Variants in SAMD12 observed in about 807,000 individuals in gnomAD.
SAMD12 encodes the protein sterile alpha motif domain-containing protein 12.
Under a neutral mutation model 15.0 loss-of-function variants are expected in SAMD12, and 9 were observed. The ratio of observed to expected loss-of-function variants is 0.60; its 90% CI spans 0.36 to 1.05. The LOEUF is 1.05. Among genes scored for constraint, SAMD12 ranks in the 50% least tolerant of loss-of-function variants. The pLI, the probability that SAMD12 is intolerant of heterozygous loss-of-function variation, is 0.01. For missense variants in SAMD12, 230 were observed against 234.2 expected (o/e 0.98, Z 0.12); for synonymous variants, 86 against 90.1 (o/e 0.96, Z 0.25).
intron 3 of SAMD12, among the ~76,000 whole-genome samples, chr8:118,384,625 A>T (rs1379762671): frequency 6.6e-6 from 1 of 152,208 alleles, no homozygotes; most frequent in Non-Finnish European, 1.5e-5. Flanking sequence ...CAAGAAATTG[A>T]GTCACTGCTT....
At chr8:118,451,647 G>C (rs1232880112) in intron 2 of SAMD12, among the ~76,000 whole-genome samples, 1 of 152,154 alleles carries the variant, frequency 6.6e-6, no homozygotes, top group Non-Finnish European at 1.5e-5. Flanking sequence ...CCATGCTGTT[G>C]GCACTGTGTT....
intron 3 of SAMD12, among the ~76,000 whole-genome samples, chr8:118,405,968 C>T (rs765981956): frequency 6.6e-5 from 10 of 151,914 alleles, no homozygotes; most frequent in Non-Finnish European, 1.3e-4. Flanking sequence ...TTGGTTTTCT[C>T]TCTATGGCCA....
chr8:118,396,253 A>T (rs185078230), intron 3 of SAMD12, among the ~76,000 whole-genome samples: 5 of 152,252 alleles, frequency 3.3e-5, no homozygotes, highest in Admixed American at 3.3e-4. Context: ...TAAAATGATA[A>T]TTATCATTTT....
At position 118,209,151 on chromosome 8, in the gene SAMD12, T is replaced by C. The variant is rs17507397; in HGVS notation, c.434-11419A>G. Among the ~76,000 whole-genome samples the C allele has an allele frequency of 6.0e-3, 920 of 152,288 alleles. 10 individuals carry two copies. Among genetic ancestry groups the C allele is most frequent in the African/African-American group, 0.021 (867 of 41,562 alleles). ...TTCTGAAGACAGTCTCCAAGGTTAT[T>C]ATATTGTGGGTTCTTGCCCTTTGGT... On this transcript the variant is annotated intron_variant, in intron 4 of 4. Transcript: ENST00000409003.
At chr8:118,550,553 G>T (rs900808028) in intron 2 of SAMD12, among the ~76,000 whole-genome samples, 1 of 152,038 alleles carries the variant, frequency 6.6e-6, no homozygotes, top group Admixed American at 6.5e-5. Context: ...AGGAACAACC[G>T]GTACCAGCCG....
At chr8:118,533,904 A>T (rs1055879723) in intron 2 of SAMD12, among the ~76,000 whole-genome samples, 4 of 152,068 alleles carry the variant, frequency 2.6e-5, no homozygotes, top group African/African-American at 9.7e-5. Context: ...CCAATTTGCC[A>T]GTCTGTGTCT....
intron 4 of SAMD12, among the ~76,000 whole-genome samples, chr8:118,242,621 C>T (rs1177342746): frequency 6.6e-6 from 1 of 151,974 alleles, no homozygotes; most frequent in Non-Finnish European, 1.5e-5. Flanking sequence ...TCTGTGGTTT[C>T]AGGCCTCCAC....
In SAMD12 at chr8:118,489,139, C is replaced by T. The variant is rs150144237; in HGVS notation, c.193-49178G>A. Among the ~76,000 whole-genome samples, 557 of 152,150 alleles carry T rather than the reference C, an allele frequency of 3.7e-3. 1 individual carries two copies. The highest frequency in any genetic ancestry group is 6.2e-3 in the Non-Finnish European group (423 of 67,986). ...GTGTTTATTGGCCATTTCAATACCC[C>T]CCTTTTGTGAAGTGCCTGTTCAAAT... On this transcript the variant is annotated intron_variant, in intron 2 of 3. Coordinates refer to ENST00000314727, the MANE Select transcript of SAMD12 (RefSeq NM_207506.3).
the SAMD12 span, among the ~76,000 whole-genome samples, chr8:118,159,472 G>A: frequency 7.2e-5 from 11 of 152,170 alleles, no homozygotes; most frequent in Non-Finnish European, 1.5e-4. Flanking sequence ...GGTAGCATGA[G>A]CCAAGTGCAG....
intron 4 of SAMD12, among the ~76,000 whole-genome samples, chr8:118,345,032 A>G (rs902184032): frequency 6.6e-6 from 1 of 152,182 alleles, no homozygotes; most frequent in African/African-American, 2.4e-5. Context: ...CTCACCACTC[A>G]CTGACTCGCT....
At chr8:118,582,608 T>C (rs1306646894) in intron 1 of SAMD12, among the ~76,000 whole-genome samples, 2 of 152,216 alleles carry the variant, frequency 1.3e-5, no homozygotes, top group Non-Finnish European at 2.9e-5. Flanking sequence ...GGCTTTGTTC[T>C]GAATCTCAAA....
chr8:118,565,589 T>C (rs1317170249), intron 2 of SAMD12, among the ~76,000 whole-genome samples: 1 of 152,220 alleles, frequency 6.6e-6, no homozygotes, highest in African/African-American at 2.4e-5. Context: ...ACCTCTAATC[T>C]GTATATCTTT....
chr8:118,214,509 C>T (rs1811910130), intron 4 of SAMD12, among the ~76,000 whole-genome samples: 1 of 152,208 alleles, frequency 6.6e-6, no homozygotes, highest in South Asian at 2.1e-4. Context: ...TGATGTTCAG[C>T]TAAAGAGGCT....
chr8:118,234,254 G>C (rs546159996), intron 4 of SAMD12, among the ~76,000 whole-genome samples: 2 of 151,876 alleles, frequency 1.3e-5, no homozygotes, highest in East Asian at 3.9e-4. Context: ...CTCCCTAAAA[G>C]GCCTTCCTTG....
At chr8:118,214,606 G>C (rs903431559) in intron 4 of SAMD12, among the ~76,000 whole-genome samples, 1 of 152,226 alleles carries the variant, frequency 6.6e-6, no homozygotes, top group Non-Finnish European at 1.5e-5. Flanking sequence ...ATGTATGCAA[G>C]ATGCTATTTA....
chr8:118,268,146 C>T (rs889944385), intron 4 of SAMD12, among the ~76,000 whole-genome samples: 2 of 152,040 alleles, frequency 1.3e-5, no homozygotes, highest in African/African-American at 4.8e-5. Flanking sequence ...TGCTCCCTAA[C>T]CTAGTTAACT....
At chr8:118,419,109 C>T (rs757222581) in intron 3 of SAMD12, among the ~76,000 whole-genome samples, 2 of 151,968 alleles carry the variant, frequency 1.3e-5, no homozygotes, top group South Asian at 2.1e-4. Flanking sequence ...ATGTTAACAG[C>T]ATAGAAGGCT....
intron 2 of SAMD12, among the ~76,000 whole-genome samples, chr8:118,458,262 C>T (rs143806408): frequency 2.0e-5 from 3 of 151,958 alleles, no homozygotes; most frequent in Non-Finnish European, 4.4e-5. Flanking sequence ...TTTTTAATTC[C>T]ATTTCCATTT....
At chr8:118,297,780 T>C (rs28370867) in intron 4 of SAMD12, among the ~76,000 whole-genome samples, 2,245 of 152,344 alleles carry the variant, frequency 0.015, 38 homozygotes, top group African/African-American at 0.039. Flanking sequence ...TATGTAATTA[T>C]GCCTTGGGAA....
Sources: gnomAD v4.1 joint callset for allele counts (sites outside exome capture counted in the v4.1 genomes callset) on GRCh38, gnomAD v4.1.1 for gene constraint, MANE v1.5 for transcripts, NCBI Gene and HGNC (gene_info 2026-07-23, HGNC 2026-07-21) for gene names.